The following ZFPL1 variants were observed in gnomAD, a reference collection of about 807,000 sequenced individuals.
The protein encoded by ZFPL1 is zinc finger protein like 1.
In ZFPL1, 28 loss-of-function variants were observed where a neutral mutation model predicts 32.0. The ratio of observed to expected loss-of-function variants is 0.87; its 90% CI spans 0.65 to 1.20. The LOEUF is 1.20. ZFPL1 is among the 50% of genes most tolerant of loss of function. ZFPL1 has a pLI of 0.00. For synonymous variants in ZFPL1, 165 were observed against 177.0 expected (o/e 0.93, Z 0.54); for missense variants, 386 against 424.8 (o/e 0.91, Z 0.80).
chr11:65,085,487 C>T (rs1947668018), intron 3 of ZFPL1: 3 of 515,884 alleles, frequency 5.8e-6, no homozygotes, highest in African/African-American at 1.9e-5. Flanking sequence ...GAGGTTTCAG[C>T]GAGAACCAGT....
In ZFPL1 at chr11:65,084,330, C is replaced by A. The variant is rs902279224; in HGVS notation, c.-57C>A. 1.2e-5 allele frequency: 6 copies of A among 510,662 alleles called. No individual in the cohort carries two copies. Among genetic ancestry groups the A allele is most frequent in the Non-Finnish European group, 1.7e-5 (5 of 288,016 alleles). 31.6% of individuals were successfully genotyped at this position (510,662 alleles called of 1,614,324 possible). ...CTTCCGCGCCTCGAGCCATCGCTAC[C>A]GCCCTTCGGAACCAGTGCAGCGGCC... On this transcript the variant is annotated 5_prime_UTR_variant, in exon 1 of 8. Coordinates refer to ENST00000294258, the MANE Select transcript of ZFPL1 (RefSeq NM_006782.4).
In ZFPL1 at chr11:65,088,098, G is replaced by T. The variant is rs747350506; in HGVS notation, c.917G>T (p.Arg306Leu). Residue 306 changes from arginine (R) to leucine (L), a missense_variant, in exon 8 of 8, where the codon CGC becomes CTC. Coordinates refer to ENST00000294258, the MANE Select transcript of ZFPL1 (RefSeq NM_006782.4). ...GACCCACTCATGAACCCTCACATCC[G>T]CGTGGGCCCCTCCTGAGCCCCCTTG... The part of the protein sequence containing the change: ...NLDPLMNPHI[R>L]VGPS 1 of 1,609,774 alleles carries T rather than the reference G, an allele frequency of 6.2e-7. No individual in the cohort carries two copies. The highest frequency in any genetic ancestry group is 8.5e-7 in the Non-Finnish European group (1 of 1,179,334).
chr11:65,085,233 C>A lies in ZFPL1; in HGVS notation c.214+7C>A. 1.9e-6 allele frequency: 3 copies of A among 1,613,586 alleles called. No homozygotes were observed. Among genetic ancestry groups the A allele is most frequent in the South Asian group, 2.2e-5 (2 of 91,062 alleles). On this transcript the variant is annotated splice_region_variant and intron_variant, in intron 3 of 7. Coordinates refer to ENST00000294258, the MANE Select transcript of ZFPL1 (RefSeq NM_006782.4). ...ACCCGCCTTGTCTGCTATGGTGAGGCCTTGGCACCTCGGGGGGATCAGGCC... is the reference window on the plus strand; with the variant it reads ...ACCCGCCTTGTCTGCTATGGTGAGGACTTGGCACCTCGGGGGGATCAGGCC...
At chr11:65,085,985 TG>T in intron 3 of ZFPL1, 1 of 231,602 alleles carries the variant, frequency 4.3e-6, no homozygotes. Flanking sequence ...ATATAGGGAA[TG>T]CCACTTGTGT....
In ZFPL1 at chr11:65,084,761, C is replaced by T. The variant is rs1043412983; in HGVS notation, c.63C>T (p.Val21=). The change falls in exon 2 of 8, where the codon GTC becomes GTT. Residue 21 remains valine, a synonymous_variant. Coordinates refer to ENST00000294258, the MANE Select transcript of ZFPL1 (RefSeq NM_006782.4). The part of the protein sequence containing the change: ...VTNLFCFEHR[V]NVCEHCLVAN... Reference sequence around the variant, plus strand: ...ACCTGTTCTGCTTCGAACATCGGGTCAACGTCTGCGAGCACTGCCTGGTAG... The same window carrying T: ...ACCTGTTCTGCTTCGAACATCGGGTTAACGTCTGCGAGCACTGCCTGGTAG... 9 of 1,614,110 alleles carry T rather than the reference C, an allele frequency of 5.6e-6. No individual in the cohort carries two copies. Among genetic ancestry groups the T allele is most frequent in the Non-Finnish European group, 6.8e-6 (8 of 1,180,028 alleles).
chr11:65,087,459 T>C, intron 7 of ZFPL1, 26 bp downstream of exon 7: 1 of 1,607,746 alleles, frequency 6.2e-7, no homozygotes, highest in Non-Finnish European at 8.5e-7. Context: ...CAGGGCGGAA[T>C]GCCAGGAAGG....
In ZFPL1 at chr11:65,088,236, C is replaced by T. The variant is rs2137168239; in HGVS notation, c.*122C>T. On this transcript the variant is annotated 3_prime_UTR_variant, in exon 8 of 8. Coordinates refer to ENST00000294258, the MANE Select transcript of ZFPL1 (RefSeq NM_006782.4). ...TCCCTCAAGCCTAAGACACTAAGAC[C>T]CCAGACCCAAAGCCAAGTCCACCAG... 7.6e-7 allele frequency: 1 copy of T among 1,317,956 alleles called. No individual in the cohort carries two copies. The highest frequency in any genetic ancestry group is 1.3e-5 in the South Asian group (1 of 78,054). 81.6% of individuals were successfully genotyped at this position (1,317,956 alleles called of 1,614,324 possible).
chr11:65,087,359 A>G lies in ZFPL1; in HGVS notation c.672A>G (p.Pro224=). The G allele has an allele frequency of 6.2e-7, 1 of 1,614,096 alleles. No individual in the cohort carries two copies. Among genetic ancestry groups the G allele is most frequent in the Non-Finnish European group, 8.5e-7 (1 of 1,179,992 alleles). Residue 224 remains proline (P), a synonymous_variant, in exon 7 of 8, where the codon CCA becomes CCG. Coordinates refer to ENST00000294258, the MANE Select transcript of ZFPL1 (RefSeq NM_006782.4). ...VYDTRDDDRT[P]GLHGDCDDDK... ...ATACGCGGGATGATGACCGGACACC[A>G]GGCCTCCATGGAGACTGTGACGATG...
intron 7 of ZFPL1, 43 bp from the exon 8 acceptor site, chr11:65,087,884 AC>A: frequency 2.0e-6 from 3 of 1,514,850 alleles, no homozygotes; most frequent in Non-Finnish European, 8.7e-7. Flanking sequence ...CGCGGGGGCC[AC>A]CAGGGACTGG....
At chr11:65,085,488 G>A (rs1565297507) in intron 3 of ZFPL1, 2 of 518,916 alleles carry the variant, frequency 3.9e-6, no homozygotes, top group Admixed American at 3.2e-5. Context: ...AGGTTTCAGC[G>A]AGAACCAGTC....
chr11:65,087,865 C>T, intron 7 of ZFPL1, 63 bp from the exon 8 acceptor site: 7 of 1,487,548 alleles, frequency 4.7e-6, no homozygotes, highest in Non-Finnish European at 5.3e-6. Context: ...ACCAGGGCTT[C>T]TCTCCAGCCG....
chr11:65,086,152 T>C (rs973182694), intron 3 of ZFPL1: 10 of 563,496 alleles, frequency 1.8e-5, no homozygotes, highest in Admixed American at 3.1e-5. Flanking sequence ...AGAGGACTCA[T>C]TGAAAGGACT....
chr11:65,085,395 C>A (rs1170621526), intron 3 of ZFPL1, 169 bp downstream of exon 3: 2 of 662,710 alleles, frequency 3.0e-6, no homozygotes, highest in Admixed American at 2.3e-5. Flanking sequence ...GCAAGTTATT[C>A]TTCCTTTCTA....
In ZFPL1 at chr11:65,085,142, C is replaced by T. The variant is rs773129152; in HGVS notation, c.130C>T (p.Leu44Phe). 6.2e-7 allele frequency: 1 copy of T among 1,614,194 alleles called. No homozygotes were observed. The highest frequency in any genetic ancestry group is 2.2e-5 in the East Asian group (1 of 44,894). The change falls in exon 3 of 8, where the codon CTC becomes TTC. Residue 44 changes from leucine (L) to phenylalanine (F), a missense_variant. Coordinates refer to ENST00000294258, the MANE Select transcript of ZFPL1 (RefSeq NM_006782.4). Reference sequence around the variant, plus strand: ...CATCGTCCAGTCCTACCTGCAATGGCTCCAAGATAGCGACTACAACCCCAA... The same window carrying T: ...CATCGTCCAGTCCTACCTGCAATGGTTCCAAGATAGCGACTACAACCCCAA... Reference protein sequence around the residue: ...KCIVQSYLQWLQDSDYNPNCR... With the variant: ...KCIVQSYLQWFQDSDYNPNCR...
In ZFPL1 at chr11:65,088,255, C is replaced by A. The variant is rs1032481049; in HGVS notation, c.*141C>A. On this transcript the variant is annotated 3_prime_UTR_variant, in exon 8 of 8. Coordinates refer to ENST00000294258, the MANE Select transcript of ZFPL1 (RefSeq NM_006782.4). ...TAAGACCCCAGACCCAAAGCCAAGT[C>A]CACCAGAGTGGCTGCAGGCCAGGCC... 1.3e-5 allele frequency: 15 copies of A among 1,198,714 alleles called. No individual in the cohort carries two copies. The highest frequency in any genetic ancestry group is 1.2e-4 in the Admixed American group (5 of 41,700). 74.3% of individuals were successfully genotyped at this position (1,198,714 alleles called of 1,614,324 possible).
intron 6 of ZFPL1, 83 bp downstream of exon 6, chr11:65,087,157 A>G: frequency 6.4e-7 from 1 of 1,566,300 alleles, no homozygotes. Context: ...GGATCCAGAG[A>G]CCCACCCGGA....
In ZFPL1 at chr11:65,087,433, GGTACA is replaced by G; in HGVS notation, c.746+1_746+5del. 1 of 1,613,962 alleles carries G rather than the reference GGTACA, an allele frequency of 6.2e-7. No individual in the cohort carries two copies. Among genetic ancestry groups the G allele is most frequent in the Non-Finnish European group, 8.5e-7 (1 of 1,179,922 alleles). Reference sequence around the variant, plus strand: ...TTGGGTTGGCTGGCCCGGCTGCTAAGGTACACAGGGTCAGGCAGGGCGGAATGCCA... The same window carrying G: ...TTGGGTTGGCTGGCCCGGCTGCTAAGCAGGGTCAGGCAGGGCGGAATGCCA... On this transcript the variant is annotated splice_donor_variant and splice_donor_5th_base_variant and intron_variant, in intron 7 of 7. Transcript: ENST00000294258. LOFTEE classifies it high-confidence loss of function.
chr11:65,088,202 C>A lies in ZFPL1; in HGVS notation c.*88C>A. 6.9e-7 allele frequency: 1 copy of A among 1,455,786 alleles called. No individual in the cohort carries two copies. The highest frequency in any genetic ancestry group is 9.3e-7 in the Non-Finnish European group (1 of 1,069,598). The allele number at this position is 1,455,786 out of a possible 1,614,324, so 90.2% of individuals were successfully genotyped here. A position where few individuals can be genotyped will look rare whatever the true frequency, so the allele number is the denominator to read the frequency against. On this transcript the variant is annotated 3_prime_UTR_variant, in exon 8 of 8. Transcript: ENST00000294258. ...TGGGGAGGCTGAGGGCACCTCTTCA[C>A]TGCCCCTCTCCCTCAAGCCTAAGAC...
chr11:65,087,271 G>T, intron 6 of ZFPL1, 45 bp from the exon 7 acceptor site: 1 of 1,605,832 alleles, frequency 6.2e-7, no homozygotes, highest in South Asian at 1.1e-5. Context: ...CCCCAAAGCG[G>T]CCAGTTTTCC....
Sources: gnomAD v4.1 joint callset for allele counts on GRCh38, gnomAD v4.1.1 for gene constraint, MANE v1.5 for transcripts, NCBI Gene and HGNC (gene_info 2026-07-23, HGNC 2026-07-21) for gene names.